Variants in CCDC144A observed in about 807,000 individuals in gnomAD.
The protein encoded by CCDC144A is coiled-coil domain-containing protein 144A.
Under a neutral mutation model 143.8 loss-of-function variants are expected in CCDC144A, and 41 were observed. The observed-to-expected ratio is 0.29, with a 90% CI of 0.22 to 0.37. CCDC144A has a LOEUF of 0.37. Among genes scored for constraint, CCDC144A ranks in the 10% least tolerant of loss-of-function variants. CCDC144A has a pLI of 1.00. For synonymous variants in CCDC144A, 242 were observed against 517.9 expected (o/e 0.47, Z 7.23); for missense variants, 637 against 1,488.8 (o/e 0.43, Z 9.41).
rs201250638 is a variant in CCDC144A, at chr17:16,690,519, A to C, written c.119A>C (p.Tyr40Ser). Residue 40 changes from tyrosine to serine, a missense_variant, in exon 1 of 17, where the codon TAC (tyrosine) becomes TCC (serine). Physicochemically the swap from Tyr to Ser is moderately radical, Grantham distance 144. Coordinates refer to ENST00000399273, the MANE Select transcript of CCDC144A (RefSeq NM_001382000.1). ...CAGGGGGACCAGTGGTACTTGGGCTACCCGGGGGACCAGTGGTCCTCGGGC... is the reference window on the plus strand; with the variant it reads ...CAGGGGGACCAGTGGTACTTGGGCTCCCCGGGGGACCAGTGGTCCTCGGGC... ...GSQGDQWYLG[Y>S]PGDQWSSGFP... is the part of the protein sequence containing the mutation. 1 of 1,610,994 alleles carries C rather than the reference A, an allele frequency of 6.2e-7. No homozygotes were observed. The highest frequency in any genetic ancestry group is 1.1e-5 in the South Asian group (1 of 90,906).
chr17:16,692,100 TGAGA>T (rs758706240), intron 1 of CCDC144A, among the ~76,000 whole-genome samples: 1 of 152,126 alleles, frequency 6.6e-6, no homozygotes, highest in Non-Finnish European at 1.5e-5. Flanking sequence ...ATCTCAGAAA[TGAGA>T]GAATGTCAAC....
intron 12 of CCDC144A, among the ~76,000 whole-genome samples, chr17:16,760,974 TA>T (rs1372945461): frequency 2.0e-5 from 3 of 147,530 alleles, no homozygotes; most frequent in African/African-American, 7.7e-5. Context: ...CAAGGGTCTG[TA>T]TTTTATGAAT....
the CCDC144A span, among the ~76,000 whole-genome samples, chr17:16,667,639 A>T: frequency 6.6e-6 from 1 of 151,176 alleles, no homozygotes; most frequent in Non-Finnish European, 1.5e-5. Flanking sequence ...GTCCTTTCTT[A>T]CTCTGTCTCT....
intron 6 of CCDC144A, among the ~76,000 whole-genome samples, chr17:16,718,028 A>G (rs1463818796): frequency 2.0e-5 from 3 of 152,136 alleles, no homozygotes; most frequent in African/African-American, 4.8e-5. Context: ...GTTAAAATGT[A>G]TAAGTTCTTT....
rs1167527388 is a variant in CCDC144A, at chr17:16,725,002, A to ATTTTTTTT, written c.1892-2500_1892-2493dup. Among the ~76,000 whole-genome samples the ATTTTTTTT allele has an allele frequency of 5.1e-4, 19 of 37,284 alleles. 1 individual carries two copies. Among genetic ancestry groups the ATTTTTTTT allele is most frequent in the East Asian group, 3.5e-3 (3 of 860 alleles). The allele number at this position is 37,284 out of a possible 152,430, so 24.5% of individuals were successfully genotyped here. A position where few individuals can be genotyped will look rare whatever the true frequency, so the allele number is the denominator to read the frequency against. On this transcript the variant is annotated intron_variant, in intron 8 of 16. Transcript: ENST00000399273. ...AGGAAATGACTGTTTATAGCTGGTA[A>ATTTTTTTT]TTTTTTTTTTTTTTTTTTTTTTTTT... is the stretch of plus-strand genomic sequence containing the variant.
intron 2 of CCDC144A, among the ~76,000 whole-genome samples, chr17:16,693,747 A>G (rs1176618998): frequency 6.6e-6 from 1 of 151,484 alleles, no homozygotes; most frequent in Non-Finnish European, 1.5e-5. Context: ...GTAAATGAAT[A>G]TCAATCACAA....
intron 12 of CCDC144A, among the ~76,000 whole-genome samples, chr17:16,752,370 C>T (rs1567606117): frequency 6.6e-6 from 1 of 152,168 alleles, no homozygotes; most frequent in Non-Finnish European, 1.5e-5. Flanking sequence ...CACCTGGTGC[C>T]AGAAAGGTTG....
chr17:16,753,428 G>GTTTTTTTTTTTTTTTTTTTTTTTTTT, intron 12 of CCDC144A, among the ~76,000 whole-genome samples: 17 of 57,366 alleles, frequency 3.0e-4, no homozygotes, highest in Non-Finnish European at 5.1e-4. Context: ...GTGTTTTGTA[G>GTTTTTTTTTTTTTTTTTTTTTTTTTT]TTTTTTTTTT....
In CCDC144A at chr17:16,734,943, A is replaced by G. The variant is rs1913924936; in HGVS notation, c.2672A>G (p.Glu891Gly). Reference sequence around the variant, plus strand: ...GGACAGCTGAACAATCTGACAGCTGAGAACAAAATACTCAATTCTGAACTG... The same window carrying G: ...GGACAGCTGAACAATCTGACAGCTGGGAACAAAATACTCAATTCTGAACTG... ...YSGQLNNLTA[E>G]NKILNSELEN... The change falls in exon 12 of 17, where the codon GAG becomes GGG. Residue 891 changes from glutamate (E) to glycine (G), a missense_variant. Glu to Gly is a moderately conservative substitution (Grantham distance 98). Coordinates refer to ENST00000399273, the MANE Select transcript of CCDC144A (RefSeq NM_001382000.1). 1.9e-6 allele frequency: 3 copies of G among 1,590,198 alleles called. No individual in the cohort carries two copies. The East Asian group carries it at 6.8e-5, about 36-fold the overall frequency.
rs2143230033 is a variant in CCDC144A at position 16,730,548 on chromosome 17, A to G, written c.2106-1252A>G. ...GAATGACAGTGGTATGTTAATAGGA[A>G]TTGCATGGAATCTGTAGATTGCTTT... On this transcript the variant is annotated intron_variant, in intron 9 of 16. Transcript: ENST00000399273. Among the ~76,000 whole-genome samples the G allele has an allele frequency of 1.5e-5, 2 of 130,558 alleles. 1 individual carries two copies. Among genetic ancestry groups the G allele is most frequent in the African/African-American group, 6.9e-5 (2 of 28,988 alleles). The allele number at this position is 130,558 out of a possible 152,430, so 85.7% of individuals were successfully genotyped here. A position where few individuals can be genotyped will look rare whatever the true frequency, so the allele number is the denominator to read the frequency against.
At chr17:16,667,329 A>AGGCTGAGGCGGCTGAGGAGCTGAGG in the CCDC144A span, among the ~76,000 whole-genome samples, 80 of 107,960 alleles carry the variant, frequency 7.4e-4, no homozygotes, top group Non-Finnish European at 1.1e-3. Context: ...GAGGCTGAGG[A>AGGCTGAGGCGGCTGAGGAGCTGAGG]GGCTGAGGCG....
At chr17:16,772,391 C>T (rs1342269379) in intron 16 of CCDC144A, among the ~76,000 whole-genome samples, 2 of 151,772 alleles carry the variant, frequency 1.3e-5, no homozygotes, top group African/African-American at 4.9e-5. Flanking sequence ...ATCTAGTAAC[C>T]TATTCAAGCA....
chr17:16,728,266 A>G (rs368370782), intron 9 of CCDC144A, among the ~76,000 whole-genome samples: 8 of 152,122 alleles, frequency 5.3e-5, no homozygotes, highest in African/African-American at 1.7e-4. Flanking sequence ...CCAATTCCCA[A>G]CCTCAAGCAT....
intron 2 of CCDC144A, among the ~76,000 whole-genome samples, chr17:16,696,752 T>G (rs1480528817): frequency 6.6e-6 from 1 of 152,040 alleles, no homozygotes; most frequent in Non-Finnish European, 1.5e-5. Context: ...ATGACCTAAC[T>G]AACAGTGGCT....
At chr17:16,713,835 C>A (rs760343497) in intron 6 of CCDC144A, among the ~76,000 whole-genome samples, 29 of 152,226 alleles carry the variant, frequency 1.9e-4, no homozygotes, top group Non-Finnish European at 4.1e-4. Context: ...ATTAGATCAT[C>A]TACAGTCATG....
At chr17:16,667,010 T>C in the CCDC144A span, 1 of 153,024 alleles carries the variant, frequency 6.5e-6, no homozygotes, top group African/African-American at 2.4e-5. Flanking sequence ...CGGCTGCGAC[T>C]TTCAGAGGCT....
At chr17:16,702,735 C>A (rs1597536627) in intron 2 of CCDC144A, among the ~76,000 whole-genome samples, 1 of 151,656 alleles carries the variant, frequency 6.6e-6, no homozygotes. Context: ...ATGTGGAAGG[C>A]AGAGAGTACA....
At position 16,691,606 on chromosome 17, in the gene CCDC144A, CAA is replaced by C. The variant is rs201650488; in HGVS notation, c.344+871_344+872del. Among the ~76,000 whole-genome samples, 1,194 of 148,306 alleles carry C rather than the reference CAA, an allele frequency of 8.1e-3. 15 individuals are homozygous for C. Among genetic ancestry groups the C allele is most frequent in the African/African-American group, 0.023 (924 of 40,448 alleles). ...GAAACCCCGTCACTACTAAAAAATACAAAAAAAAAATAGCCGGGCGTGGTGGT... is the reference window on the plus strand; with the variant it reads ...GAAACCCCGTCACTACTAAAAAATACAAAAAAAATAGCCGGGCGTGGTGGT... On this transcript the variant is annotated intron_variant, in intron 1 of 16. Transcript: ENST00000399273.
chr17:16,728,367 C>T (rs1198982725), intron 9 of CCDC144A, among the ~76,000 whole-genome samples: 1 of 152,156 alleles, frequency 6.6e-6, no homozygotes, highest in Non-Finnish European at 1.5e-5. Flanking sequence ...AAATGTTTTT[C>T]TACATTCCTA....
Sources: gnomAD v4.1 joint callset for allele counts (sites outside exome capture counted in the v4.1 genomes callset) on GRCh38, gnomAD v4.1.1 for gene constraint, MANE v1.5 for transcripts, NCBI Gene and HGNC (gene_info 2026-07-23, HGNC 2026-07-21) for gene names.